MARS1: variants seen among roughly 807,000 people sequenced by gnomAD.
MARS1 encodes the protein methionyl-tRNA synthetase 1.
In MARS1, 80 loss-of-function variants were observed where a neutral mutation model predicts 119.5. The ratio of observed to expected loss-of-function variants is 0.67; its 90% CI spans 0.56 to 0.81. MARS1 has a LOEUF of 0.81. MARS1 is among the 30% of genes least tolerant of loss of function. MARS1 has a pLI of 0.00. For missense variants in MARS1, 945 were observed against 1,116.5 expected (o/e 0.85, Z 2.19); for synonymous variants, 418 against 433.4 (o/e 0.96, Z 0.44).
chr12:57,500,657 C>G, intron 10 of MARS1, 135 bp downstream of exon 10: 1 of 750,918 alleles, frequency 1.3e-6, no homozygotes, highest in East Asian at 2.7e-5. Flanking sequence ...CCCATCTCAG[C>G]AACTCGTCAT....
chr12:57,512,781 C>CT lies in MARS1; in HGVS notation c.1785dup (p.Lys596Ter), dbSNP rs746023775. On this transcript the variant is annotated frameshift_variant, in exon 15 of 21. Transcript: ENST00000262027. LOFTEE classifies it high-confidence loss of function. ...CTGAACTATGAGGATGGGAAATTCTCTAAGAGCCGCGGTGTGGGAGTGTTT... is the reference window on the plus strand; with the variant it reads ...CTGAACTATGAGGATGGGAAATTCTCTTAAGAGCCGCGGTGTGGGAGTGTTT... 6.2e-7 allele frequency: 1 copy of CT among 1,614,146 alleles called. No homozygotes were observed. Among genetic ancestry groups the CT allele is most frequent in the Non-Finnish European group, 8.5e-7 (1 of 1,180,002 alleles).
Position 57,516,270 on chromosome 12 carries a change from T to C in MARS1, c.2489T>C (p.Val830Ala), listed in dbSNP as rs1261994458. The C allele has an allele frequency of 1.2e-6, 2 of 1,614,014 alleles. No individual in the cohort carries two copies. Among genetic ancestry groups the C allele is most frequent in the African/African-American group, 2.7e-5 (2 of 74,902 alleles). The change falls in exon 20 of 21, where the codon GTT becomes GCT. Residue 830 changes from valine to alanine, a missense_variant. By Grantham distance (64) the Val-to-Ala change is moderately conservative (BLOSUM62 0). Coordinates refer to ENST00000262027, the MANE Select transcript of MARS1 (RefSeq NM_004990.4). Reference sequence around the variant, plus strand: ...GCAAAAACGTCCCCGAAGCCAGCAGTTGTAGAGACTGTTACAACAGCCAAG... The same window carrying C: ...GCAAAAACGTCCCCGAAGCCAGCAGCTGTAGAGACTGTTACAACAGCCAAG... ...GQAKTSPKPA[V>A]VETVTTAKPQ...
intron 1 of MARS1, chr12:57,488,526 G>A: frequency 6.6e-7 from 1 of 1,515,210 alleles, no homozygotes. Context: ...TTAGTTACTA[G>A]CATGACAGCC....
chr12:57,506,505 G>A (rs1336552786), intron 11 of MARS1, among the ~76,000 whole-genome samples: 1 of 152,154 alleles, frequency 6.6e-6, no homozygotes, highest in African/African-American at 2.4e-5. Context: ...TTCAGGCTAT[G>A]CATTCTTGGT....
At chr12:57,502,444 C>T (rs1876958950) in intron 10 of MARS1, among the ~76,000 whole-genome samples, 1 of 152,178 alleles carries the variant, frequency 6.6e-6, no homozygotes, top group South Asian at 2.1e-4. Context: ...TGGTGGCTCA[C>T]GCTTGTAATC....
At chr12:57,506,878 A>C (rs931004093) in intron 11 of MARS1, among the ~76,000 whole-genome samples, 1 of 132,240 alleles carries the variant, frequency 7.6e-6, no homozygotes, top group Non-Finnish European at 1.6e-5. Flanking sequence ...TTAATTGACC[A>C]TTCTTGGGTG....
In MARS1 at chr12:57,498,717, T is replaced by G. The variant is rs146757547; in HGVS notation, c.1091+94T>G. ...GAGACAGAAGGAACCCGGGTGGCTG[T>G]CTGGGCACTCCTAAACTTAGGATCT... On this transcript the variant is annotated intron_variant, in intron 9 of 20. Coordinates refer to ENST00000262027, the MANE Select transcript of MARS1 (RefSeq NM_004990.4). The G allele has an allele frequency of 1.2e-3, 1,415 of 1,147,178 alleles. 33 individuals are homozygous for G. The East Asian group carries it at 0.027, about 22-fold the overall frequency. The allele number at this position is 1,147,178 out of a possible 1,614,324, so 71.1% of individuals were successfully genotyped here. A position where few individuals can be genotyped will look rare whatever the true frequency, so the allele number is the denominator to read the frequency against.
At chr12:57,489,681 C>A in intron 4 of MARS1, 123 bp downstream of exon 4, 2 of 1,370,264 alleles carry the variant, frequency 1.5e-6, no homozygotes, top group Non-Finnish European at 1.0e-6. Context: ...CTTGGCAAAT[C>A]ACTTAATCTC....
At chr12:57,494,067 T>A (rs1876447233) in intron 7 of MARS1, among the ~76,000 whole-genome samples, 1 of 145,586 alleles carries the variant, frequency 6.9e-6, no homozygotes, top group Non-Finnish European at 1.5e-5. Context: ...GTGATTCTCC[T>A]GTCTCAGTCT....
chr12:57,504,322 C>T (rs1273748504), intron 11 of MARS1, 23 bp downstream of exon 11: 3 of 1,609,568 alleles, frequency 1.9e-6, no homozygotes, highest in Non-Finnish European at 2.6e-6. Context: ...TTCTCTCAAC[C>T]TAGTTTTCAG....
In MARS1 at chr12:57,515,428, T is replaced by C. The variant is rs1008297485; in HGVS notation, c.2391+92T>C. 5 of 1,308,344 alleles carry C rather than the reference T, an allele frequency of 3.8e-6. No individual in the cohort carries two copies. In the African/African-American group the frequency reaches 5.9e-5, roughly 15 times the overall value. 81.0% of individuals were successfully genotyped at this position (1,308,344 alleles called of 1,614,324 possible). ...AGAAGACCTAACATCTCTCCAGTGTTACTTTGGTCATGGGACTCCTAAGTT... is the reference window on the plus strand; with the variant it reads ...AGAAGACCTAACATCTCTCCAGTGTCACTTTGGTCATGGGACTCCTAAGTT... On this transcript the variant is annotated intron_variant, in intron 18 of 20. Transcript: ENST00000262027.
chr12:57,516,021 C>A, intron 19 of MARS1, 30 bp downstream of exon 19: 1 of 1,596,936 alleles, frequency 6.3e-7, no homozygotes, highest in South Asian at 1.1e-5. Context: ...TGCCCTCGCT[C>A]CACAACAGCC....
In MARS1 at chr12:57,516,356, G is replaced by A; in HGVS notation, c.2556+19G>A. The A allele has an allele frequency of 6.2e-7, 1 of 1,613,894 alleles. No homozygotes were observed. ...AAAACAAGTATGAAGCTTAAGCCCT[G>A]TGGGAGACTGGACAAGCTGAATCCT... On this transcript the variant is annotated intron_variant, in intron 20 of 20. Coordinates refer to ENST00000262027, the MANE Select transcript of MARS1 (RefSeq NM_004990.4).
chr12:57,511,173 A>G (rs1299698372), intron 11 of MARS1, among the ~76,000 whole-genome samples: 1 of 151,738 alleles, frequency 6.6e-6, no homozygotes, highest in Non-Finnish European at 1.5e-5. Context: ...TAGGGACAGG[A>G]TTTTGCTGTG....
chr12:57,494,428 A>G (rs1481738648), intron 7 of MARS1, among the ~76,000 whole-genome samples: 1 of 147,936 alleles, frequency 6.8e-6, no homozygotes, highest in African/African-American at 2.5e-5. Context: ...CCCGGGTTCA[A>G]GTGATTCTCC....
intron 18 of MARS1, 33 bp from the exon 19 acceptor site, chr12:57,515,887 T>A: frequency 1.3e-6 from 2 of 1,537,312 alleles, no homozygotes; most frequent in Non-Finnish European, 1.8e-6. Flanking sequence ...CTGTATCCAA[T>A]CAGTAGATGA....
At chr12:57,511,181 G>T (rs1430113661) in intron 11 of MARS1, among the ~76,000 whole-genome samples, 1 of 151,990 alleles carries the variant, frequency 6.6e-6, no homozygotes, top group Non-Finnish European at 1.5e-5. Flanking sequence ...GGATTTTGCT[G>T]TGTTGCCCAG....
chr12:57,489,744 T>C, intron 4 of MARS1, 152 bp from the exon 5 acceptor site: 1 of 1,057,640 alleles, frequency 9.5e-7, no homozygotes. Flanking sequence ...AGTACCTATC[T>C]CAGTGAGTTA....
At chr12:57,507,361 G>A (rs1430577909) in intron 11 of MARS1, among the ~76,000 whole-genome samples, 1 of 147,874 alleles carries the variant, frequency 6.8e-6, no homozygotes, top group Non-Finnish European at 1.5e-5. Flanking sequence ...TCAATGAGCT[G>A]TTGGGTACAC....
Sources: gnomAD v4.1 joint callset for allele counts (sites outside exome capture counted in the v4.1 genomes callset) on GRCh38, gnomAD v4.1.1 for gene constraint, MANE v1.5 for transcripts, NCBI Gene and HGNC (gene_info 2026-07-23, HGNC 2026-07-21) for gene names.